USP16: variants seen among roughly 807,000 people sequenced by gnomAD.
The protein encoded by USP16 is ubiquitin carboxyl-terminal hydrolase 16.
In USP16, 77 loss-of-function variants were observed where a neutral mutation model predicts 95.9. The ratio of observed to expected loss-of-function variants is 0.80; its 90% CI spans 0.67 to 0.97. The LOEUF is 0.97. Among genes scored for constraint, USP16 ranks in the 50% least tolerant of loss-of-function variants. The pLI is 0.00. For synonymous variants in USP16, 303 were observed against 318.2 expected, an observed-to-expected ratio of 0.95 and a Z score of 0.51; for missense variants, 943 against 959.9, an observed-to-expected ratio of 0.98 and a Z score of 0.23.
chr21:29,053,737 T>C, intron 16 of USP16, 65 bp from the exon 17 acceptor site: 1 of 1,533,744 alleles, frequency 6.5e-7, no homozygotes, highest in Non-Finnish European at 8.9e-7. Flanking sequence ...TGTAAACTTG[T>C]CTTGCCCATG....
chr21:29,033,459 C>CGG (rs1260008748), intron 3 of USP16, among the ~76,000 whole-genome samples: 4 of 152,132 alleles, frequency 2.6e-5, no homozygotes, highest in African/African-American at 9.7e-5. Flanking sequence ...GAAACACGAC[C>CGG]GGTTGTTGTA....
At chr21:29,047,428 G>A in intron 14 of USP16, 107 bp downstream of exon 14, 4 of 1,247,612 alleles carry the variant, frequency 3.2e-6, no homozygotes, top group South Asian at 1.6e-5. Flanking sequence ...GCATGAATAA[G>A]TGTCCTTTTC....
At chr21:29,027,765 ATG>A in intron 1 of USP16, 106 bp from the exon 2 acceptor site, 1 of 740,102 alleles carries the variant, frequency 1.4e-6, no homozygotes, top group Non-Finnish European at 2.4e-6. Context: ...GTAAATTACA[ATG>A]TGATAGACAT....
At chr21:29,044,164 C>A (rs2085287043) in intron 13 of USP16, among the ~76,000 whole-genome samples, 1 of 152,148 alleles carries the variant, frequency 6.6e-6, no homozygotes, top group African/African-American at 2.4e-5. Context: ...AAACTCCTGA[C>A]CTCAAGTGAT....
intron 2 of USP16, among the ~76,000 whole-genome samples, chr21:29,030,336 A>G (rs2085059252): frequency 6.6e-6 from 1 of 152,210 alleles, no homozygotes; most frequent in Non-Finnish European, 1.5e-5. Context: ...AATAAATTGA[A>G]ATGAATTTGT....
At position 29,037,401 on chromosome 21, in the gene USP16, C is replaced by T. The variant is rs1164282354; in HGVS notation, c.574C>T (p.Gln192Ter). Residue 192 changes from glutamine to a stop codon, truncating the protein, a stop_gained, in exon 6 of 18, where the codon CAA (glutamine) becomes TAA (stop). Coordinates refer to ENST00000399976, the MANE Select transcript of USP16 (RefSeq NM_006447.3). LOFTEE classifies it high-confidence loss of function. ...KENPPMNSPC[Q>*]ITVKGLSNLG... ...GAATCCTCCCATGAATTCTCCTTGC[C>T]AAATAACCGTGAAAGGACTCAGTAA... is the stretch of plus-strand genomic sequence containing the variant. The T allele has an allele frequency of 6.2e-7, 1 of 1,609,206 alleles. No homozygotes were observed. The highest frequency in any genetic ancestry group is 1.1e-5 in the South Asian group (1 of 89,366).
At position 29,038,324 on chromosome 21, in the gene USP16, C is replaced by G. The variant is rs767992513; in HGVS notation, c.637-11C>G. The G allele has an allele frequency of 1.3e-5, 21 of 1,571,664 alleles. 1 individual carries two copies. In the South Asian group the frequency reaches 2.3e-4, roughly 17 times the overall value. On this transcript the variant is annotated splice_polypyrimidine_tract_variant and intron_variant, in intron 6 of 17. Transcript: ENST00000399976. ...ATAATTTTTCTCTTTTTTTTTCACC[C>G]TACATTCTAGAACTTGTCACAAACA... is the stretch of plus-strand genomic sequence containing the variant.
At chr21:29,053,642 A>T in intron 16 of USP16, 160 bp from the exon 17 acceptor site, 1 of 651,638 alleles carries the variant, frequency 1.5e-6, no homozygotes, top group Non-Finnish European at 2.5e-6. Flanking sequence ...GAAGTGTCTC[A>T]GGCTGAGAAG....
At position 29,039,490 on chromosome 21, in the gene USP16, G is replaced by T; in HGVS notation, c.873G>T (p.Arg291=). ...TTTTGTTTTTCTCTAGAGCAGTGCG[G>T]TTTAAAGGCTATCAGCAGCAAGACA... ...LFSQVCKKAV[R]FKGYQQQDSQ... The change falls in exon 9 of 18, where the codon CGG becomes CGT. Residue 291 remains arginine (R), a synonymous_variant. Coordinates refer to ENST00000399976, the MANE Select transcript of USP16 (RefSeq NM_006447.3). The T allele has an allele frequency of 1.9e-6, 3 of 1,613,074 alleles. No homozygotes were observed. The highest frequency in any genetic ancestry group is 2.5e-6 in the Non-Finnish European group (3 of 1,179,330).
intron 10 of USP16, among the ~76,000 whole-genome samples, chr21:29,041,672 T>C (rs1022908933): frequency 2.0e-5 from 3 of 152,170 alleles, no homozygotes; most frequent in Non-Finnish European, 4.4e-5. Context: ...TCATTCAGCC[T>C]ACTCTGAGCT....
At chr21:29,049,962 T>G in intron 15 of USP16, 130 bp from the exon 16 acceptor site, 4 of 768,058 alleles carry the variant, frequency 5.2e-6, no homozygotes, top group South Asian at 4.1e-5. Context: ...CAGGAAGAAT[T>G]GAGTCTCCAA....
At chr21:29,036,506 C>T (rs1166970926) in intron 5 of USP16, 132 bp downstream of exon 5, 4 of 853,742 alleles carry the variant, frequency 4.7e-6, no homozygotes, top group Non-Finnish European at 7.2e-6. Context: ...AACTATGAAA[C>T]TATTTTTGGT....
intron 3 of USP16, among the ~76,000 whole-genome samples, chr21:29,031,333 C>T (rs914796220): frequency 1.3e-5 from 2 of 152,180 alleles, no homozygotes; most frequent in Admixed American, 6.5e-5. Context: ...AAGTCAGGGT[C>T]TCTCAGTTAC....
At chr21:29,028,603 T>A (rs1047980302) in intron 2 of USP16, among the ~76,000 whole-genome samples, 2 of 151,732 alleles carry the variant, frequency 1.3e-5, no homozygotes, top group African/African-American at 2.4e-5. Flanking sequence ...ACCCAGCTAA[T>A]TTTTGTATTT....
In USP16 at chr21:29,038,340, G is replaced by C; in HGVS notation, c.642G>C (p.Leu214Phe). Residue 214 changes from leucine to phenylalanine, a missense_variant, in exon 7 of 18, where the codon TTG becomes TTC. Transcript: ENST00000399976. ...TTTTTCACCCTACATTCTAGAACTT[G>C]TCACAAACACCAGTGCTTAGAGAAC... ...TCFFNAVMQN[L>F]SQTPVLRELL... is the part of the protein sequence containing the mutation. The C allele has an allele frequency of 6.2e-7, 1 of 1,603,986 alleles. No individual in the cohort carries two copies. Among genetic ancestry groups the C allele is most frequent in the Non-Finnish European group, 8.5e-7 (1 of 1,174,270 alleles).
Position 29,046,707 on chromosome 21 carries a change from A to G in USP16, c.1397A>G (p.His466Arg). ...RQQKIQGKVL[H>R]LNDICTIDHP... ...CAAAAAATTCAAGGAAAAGTTCTTC[A>G]TTTAAATGATATTTGTACTATTGAC... The change falls in exon 14 of 18, where the codon CAT becomes CGT. Residue 466 changes from histidine to arginine, a missense_variant. His to Arg is a conservative substitution (Grantham distance 29). Transcript: ENST00000399976. The G allele has an allele frequency of 1.2e-6, 2 of 1,609,830 alleles. No individual in the cohort carries two copies. Among genetic ancestry groups the G allele is most frequent in the Non-Finnish European group, 8.5e-7 (1 of 1,178,486 alleles).
At chr21:29,045,013 A>G (rs565957322) in intron 13 of USP16, among the ~76,000 whole-genome samples, 12 of 152,316 alleles carry the variant, frequency 7.9e-5, no homozygotes, top group Admixed American at 4.6e-4. Context: ...TGTGTTATCA[A>G]ACTTCCAGAT....
In USP16 at chr21:29,044,774, T is replaced by C. The variant is rs190635870; in HGVS notation, c.1356+1175T>C. 3.9e-4 allele frequency among the ~76,000 whole-genome samples: 60 copies of C among 152,112 alleles called. 1 individual carries two copies. The South Asian group carries it at 0.011, about 28-fold the overall frequency. On this transcript the variant is annotated intron_variant, in intron 13 of 17. Coordinates refer to ENST00000399976, the MANE Select transcript of USP16 (RefSeq NM_006447.3). ...TTCTTTCTTTCTTTCTTTCTTTCTT[T>C]TTTTTAACAGTTGCATGATTCTGTG...
chr21:29,025,952 C>A (rs1478319435), intron 1 of USP16, among the ~76,000 whole-genome samples: 2 of 152,130 alleles, frequency 1.3e-5, no homozygotes, highest in Non-Finnish European at 2.9e-5. Context: ...TTAAGAAATT[C>A]ACTAGAATAT....
Sources: gnomAD v4.1 joint callset for allele counts (sites outside exome capture counted in the v4.1 genomes callset) on GRCh38, gnomAD v4.1.1 for gene constraint, MANE v1.5 for transcripts, NCBI Gene and HGNC (gene_info 2026-07-23, HGNC 2026-07-21) for gene names.